CNTLN: variants seen among roughly 807,000 people sequenced by gnomAD.
The protein encoded by CNTLN is centlein, centrosomal protein.
A neutral mutation model predicts 180.0 loss-of-function variants in CNTLN; 212 were observed. The ratio of observed to expected loss-of-function variants is 1.18; its 90% CI spans 1.05 to 1.32. The LOEUF (loss-of-function observed/expected upper bound fraction) is 1.32. CNTLN is among the 40% of genes most tolerant of loss of function. CNTLN has a pLI of 0.00. For synonymous variants in CNTLN, 722 were observed against 563.1 expected (o/e 1.28, Z -3.99); for missense variants, 2,095 against 1,610.9 (o/e 1.30, Z -5.14).
chr9:17,240,909 A>T (rs1825444898), intron 5 of CNTLN, among the ~76,000 whole-genome samples: 1 of 151,920 alleles, frequency 6.6e-6, no homozygotes, highest in Non-Finnish European at 1.5e-5. Context: ...CCCAGGCTGG[A>T]GTGCAGTGGC....
chr9:17,226,821 T>C (rs182540231), intron 3 of CNTLN, among the ~76,000 whole-genome samples: 4 of 152,094 alleles, frequency 2.6e-5, no homozygotes, highest in Non-Finnish European at 5.9e-5. Flanking sequence ...GAAGGCCTCA[T>C]GTCAGAAGGC....
At chr9:17,191,464 G>T (rs868807827) in intron 2 of CNTLN, among the ~76,000 whole-genome samples, 1 of 152,194 alleles carries the variant, frequency 6.6e-6, no homozygotes, top group Non-Finnish European at 1.5e-5. Context: ...TGGGAAACTT[G>T]ACACACATTC....
chr9:17,144,072 C>CT (rs1331263502), intron 2 of CNTLN, among the ~76,000 whole-genome samples: 1 of 152,032 alleles, frequency 6.6e-6, no homozygotes, highest in Non-Finnish European at 1.5e-5. Context: ...ATACCTTTTC[C>CT]TTTTTTAAAA....
chr9:17,366,846 A>C, intron 13 of CNTLN, 129 bp downstream of exon 13: 2 of 551,440 alleles, frequency 3.6e-6, no homozygotes, highest in Non-Finnish European at 6.5e-6. Context: ...TTCATTGATA[A>C]CTCACTAACA....
chr9:17,214,885 C>T (rs988819715), intron 2 of CNTLN, among the ~76,000 whole-genome samples: 1 of 152,184 alleles, frequency 6.6e-6, no homozygotes, highest in African/African-American at 2.4e-5. Flanking sequence ...AGTCCTCGTG[C>T]CATGGTTTTC....
At chr9:17,422,445 T>A (rs959911146) in intron 18 of CNTLN, among the ~76,000 whole-genome samples, 2 of 152,200 alleles carry the variant, frequency 1.3e-5, no homozygotes, top group Admixed American at 6.5e-5. Flanking sequence ...AAATAGCCCA[T>A]CTTTAAGCTC....
At chr9:17,436,577 C>A (rs1829791525) in intron 18 of CNTLN, among the ~76,000 whole-genome samples, 1 of 152,098 alleles carries the variant, frequency 6.6e-6, no homozygotes, top group African/African-American at 2.4e-5. Context: ...TCTGAAGAGA[C>A]CTTTAGCAAC....
intron 15 of CNTLN, among the ~76,000 whole-genome samples, chr9:17,401,455 C>T (rs750553686): frequency 2.0e-5 from 3 of 151,706 alleles, no homozygotes; most frequent in Non-Finnish European, 4.4e-5. Flanking sequence ...CTCACTGCAT[C>T]CTCGACTTCC....
At chr9:17,494,975 A>C (rs766216777) in intron 25 of CNTLN, 5 of 445,150 alleles carry the variant, frequency 1.1e-5, no homozygotes, top group South Asian at 7.8e-5. Flanking sequence ...TCCGCCTGCC[A>C]GACTCGAGCA....
intron 2 of CNTLN, among the ~76,000 whole-genome samples, chr9:17,146,902 T>C (rs1818496076): frequency 6.6e-6 from 1 of 152,182 alleles, no homozygotes; most frequent in Non-Finnish European, 1.5e-5. Context: ...TCTTGCATTA[T>C]CTTTGTTTTC....
chr9:17,223,369 A>T (rs560180587), intron 2 of CNTLN, among the ~76,000 whole-genome samples: 1 of 152,118 alleles, frequency 6.6e-6, no homozygotes, highest in East Asian at 1.9e-4. Flanking sequence ...TACTGATTCC[A>T]GACTTTTTAA....
At chr9:17,389,341 T>C (rs1012717526) in intron 14 of CNTLN, among the ~76,000 whole-genome samples, 4 of 152,120 alleles carry the variant, frequency 2.6e-5, no homozygotes, top group Non-Finnish European at 4.4e-5. Context: ...CACACTAGCT[T>C]ATCACCGTTT....
At chr9:17,449,513 A>AG (rs1564116442) in intron 18 of CNTLN, among the ~76,000 whole-genome samples, 1 of 152,154 alleles carries the variant, frequency 6.6e-6, no homozygotes, top group Non-Finnish European at 1.5e-5. Flanking sequence ...GAAAAAAAAA[A>AG]AGAGAGAGCT....
chr9:17,248,999 T>G (rs1440381509), intron 5 of CNTLN, among the ~76,000 whole-genome samples: 1 of 152,068 alleles, frequency 6.6e-6, no homozygotes, highest in Non-Finnish European at 1.5e-5. Flanking sequence ...AAATTGAACA[T>G]TCTTTTAAGG....
chr9:17,419,868 A>T (rs1271556405), intron 18 of CNTLN, among the ~76,000 whole-genome samples: 2 of 152,216 alleles, frequency 1.3e-5, no homozygotes, highest in African/African-American at 4.8e-5. Context: ...TGTTGCATAC[A>T]TATGTACATT....
intron 2 of CNTLN, among the ~76,000 whole-genome samples, chr9:17,195,286 A>G (rs1822057490): frequency 6.6e-6 from 1 of 152,184 alleles, no homozygotes; most frequent in African/African-American, 2.4e-5. Context: ...GGTCATACTA[A>G]TGATTTGGGG....
intron 2 of CNTLN, among the ~76,000 whole-genome samples, chr9:17,201,922 A>C (rs1342800940): frequency 1.3e-5 from 2 of 151,972 alleles, no homozygotes; most frequent in African/African-American, 2.4e-5. Context: ...TTTAATTGAC[A>C]TGTTAGGGTG....
chr9:17,240,000 G>T (rs1825388223), intron 5 of CNTLN, among the ~76,000 whole-genome samples: 1 of 152,068 alleles, frequency 6.6e-6, no homozygotes, highest in African/African-American at 2.4e-5. Flanking sequence ...GGCCAAAAAG[G>T]CCATCAGAGA....
intron 20 of CNTLN, among the ~76,000 whole-genome samples, 184 bp downstream of exon 20, chr9:17,463,197 T>G (rs1040352642): frequency 5.9e-5 from 9 of 151,666 alleles, no homozygotes; most frequent in Admixed American, 2.0e-4. Context: ...CTATTTACTT[T>G]TTTAAATTAG....
Sources: allele counts gnomAD v4.1 joint callset (sites outside exome capture counted in the v4.1 genomes callset), GRCh38; gene constraint gnomAD v4.1.1; transcripts MANE v1.5; gene names NCBI Gene and HGNC (gene_info 2026-07-23, HGNC 2026-07-21).